The following CSMD1 variants were observed in gnomAD, a reference collection of about 807,000 sequenced individuals.
CSMD1 encodes CUB and sushi domain-containing protein 1.
In CSMD1, 213 loss-of-function variants were observed where a neutral mutation model predicts 417.5. The ratio of observed to expected loss-of-function variants is 0.51; its 90% CI spans 0.46 to 0.57. The LOEUF (loss-of-function observed/expected upper bound fraction) is 0.57, where lower values mean the gene tolerates loss of function less well. Ranked by LOEUF, CSMD1 falls within the 20% of genes least tolerant of loss-of-function variation. The pLI, the probability that CSMD1 is intolerant of heterozygous loss-of-function variation, is 0.00. For missense variants in CSMD1, 6,923 were observed against 4,529.7 expected (o/e 1.53, Z -15.17); for synonymous variants, 2,862 against 1,736.8 (o/e 1.65, Z -16.11).
intron 1 of CSMD1, among the ~76,000 whole-genome samples, chr8:4,890,664 G>A (rs528492777): frequency 2.6e-5 from 4 of 150,992 alleles, no homozygotes; most frequent in East Asian, 3.9e-4. Flanking sequence ...AGATGAGAGC[G>A]TGTGACTCCG....
intron 3 of CSMD1, among the ~76,000 whole-genome samples, chr8:4,164,542 T>G (rs1316425517): frequency 6.6e-6 from 1 of 152,156 alleles, no homozygotes; most frequent in Non-Finnish European, 1.5e-5. Context: ...ATATAAGCTG[T>G]TGTATAAGCC....
At chr8:4,096,451 T>C (rs994226370) in intron 3 of CSMD1, among the ~76,000 whole-genome samples, 6 of 152,096 alleles carry the variant, frequency 3.9e-5, no homozygotes, top group Non-Finnish European at 5.9e-5. Flanking sequence ...ATGATCCCCA[T>C]CTAAAATGTA....
intron 7 of CSMD1, among the ~76,000 whole-genome samples, chr8:3,687,883 T>C (rs1181095078): frequency 2.6e-5 from 4 of 152,238 alleles, no homozygotes; most frequent in South Asian, 2.1e-4. Context: ...TCCGTACTGA[T>C]GACCTGGGGA....
chr8:4,592,601 G>A (rs759991044), intron 2 of CSMD1, among the ~76,000 whole-genome samples: 4 of 151,978 alleles, frequency 2.6e-5, no homozygotes, highest in Non-Finnish European at 4.4e-5. Flanking sequence ...TGGCCAGGCT[G>A]GTCTCAAACT....
intron 26 of CSMD1, among the ~76,000 whole-genome samples, chr8:3,268,101 A>G (rs1240410990): frequency 2.0e-5 from 3 of 152,030 alleles, no homozygotes; most frequent in African/African-American, 7.2e-5. Flanking sequence ...TACTCAGGGC[A>G]CAATAGGAAG....
rs113642249 is a variant in CSMD1 at position 3,835,475 on chromosome 8, A to T, written c.819-81433T>A. Among the ~76,000 whole-genome samples the T allele has an allele frequency of 1.2e-3, 175 of 152,066 alleles. 1 individual carries two copies. The highest frequency in any genetic ancestry group is 4.0e-3 in the African/African-American group (167 of 41,452). Reference sequence around the variant, plus strand: ...CAGCAAACTACCGCCAGGACAAAAAACCAAACACCACATGTTCTCACTCAT... The same window carrying T: ...CAGCAAACTACCGCCAGGACAAAAATCCAAACACCACATGTTCTCACTCAT... On this transcript the variant is annotated intron_variant, in intron 5 of 69. Coordinates refer to ENST00000635120, the MANE Select transcript of CSMD1 (RefSeq NM_033225.6).
intron 50 of CSMD1, among the ~76,000 whole-genome samples, chr8:3,031,646 G>A (rs1810347828): frequency 6.6e-6 from 1 of 151,832 alleles, no homozygotes; most frequent in Non-Finnish European, 1.5e-5. Flanking sequence ...TGATCCTCAT[G>A]CTCAGCCTCC....
At chr8:3,815,782 T>C (rs908890837) in intron 5 of CSMD1, among the ~76,000 whole-genome samples, 2 of 152,146 alleles carry the variant, frequency 1.3e-5, no homozygotes, top group Non-Finnish European at 2.9e-5. Context: ...ATTTGATCTA[T>C]AGTAGTGAGC....
chr8:3,010,807 G>A (rs1200777353), intron 52 of CSMD1, among the ~76,000 whole-genome samples: 1 of 149,654 alleles, frequency 6.7e-6, no homozygotes, highest in Non-Finnish European at 1.5e-5. Flanking sequence ...GTAATGGCAT[G>A]ATCTCGGCTC....
intron 23 of CSMD1, among the ~76,000 whole-genome samples, chr8:3,310,970 A>G (rs1346644571): frequency 6.6e-6 from 1 of 152,240 alleles, no homozygotes; most frequent in Admixed American, 6.5e-5. Flanking sequence ...GGGGATGATG[A>G]AAGCCTGGAC....
At chr8:3,283,532 C>CAG (rs10675396) in intron 26 of CSMD1, among the ~76,000 whole-genome samples, 29,782 of 151,970 alleles carry the variant, frequency 0.2, 3,009 homozygotes, top group South Asian at 0.27. Flanking sequence ...TTGATACTGA[C>CAG]AGTGTTCAGA....
intron 46 of CSMD1, 146 bp from the exon 47 acceptor site, chr8:3,097,183 A>T: frequency 1.7e-6 from 1 of 589,018 alleles, no homozygotes; most frequent in Non-Finnish European, 2.9e-6. Flanking sequence ...GAATGCAAAC[A>T]CAGAGGGAGG....
intron 7 of CSMD1, among the ~76,000 whole-genome samples, chr8:3,700,203 T>C (rs530210237): frequency 4.7e-4 from 71 of 152,232 alleles, no homozygotes; most frequent in African/African-American, 1.7e-3. Context: ...AAATCACCAC[T>C]GAAGAGCTTA....
chr8:4,440,646 T>C (rs533551125), intron 2 of CSMD1, among the ~76,000 whole-genome samples: 3 of 152,234 alleles, frequency 2.0e-5, no homozygotes, highest in Non-Finnish European at 4.4e-5. Flanking sequence ...GAAAAATTGA[T>C]TGCATACATT....
chr8:3,560,790 T>C (rs1339044578), intron 10 of CSMD1, among the ~76,000 whole-genome samples: 1 of 152,220 alleles, frequency 6.6e-6, no homozygotes, highest in Non-Finnish European at 1.5e-5. Flanking sequence ...GATTTGACCC[T>C]ATCGAGCTAG....
chr8:4,157,300 G>A (rs750874872), intron 3 of CSMD1, among the ~76,000 whole-genome samples: 18 of 152,070 alleles, frequency 1.2e-4, no homozygotes, highest in South Asian at 4.2e-4. Flanking sequence ...TGCAGAGCTG[G>A]GTCACTGCAC....
intron 10 of CSMD1, among the ~76,000 whole-genome samples, chr8:3,514,525 A>C (rs554221866): frequency 4.6e-5 from 7 of 152,362 alleles, no homozygotes; most frequent in African/African-American, 1.4e-4. Flanking sequence ...CAATCACTTA[A>C]AAGTAATGTT....
Position 3,308,300 on chromosome 8 carries a change from T to G in CSMD1, c.3823+12A>C, listed in dbSNP as rs185326794. ...GGCTTTTGCACAATGGTATGACTGC[T>G]TCCACACTCACCTATGCACGAAGGT... is the stretch of plus-strand genomic sequence containing the variant. On this transcript the variant is annotated intron_variant, in intron 24 of 69. Transcript: ENST00000635120. 6.1e-5 allele frequency: 97 copies of G among 1,593,258 alleles called. No homozygotes were observed. In the African/African-American group the frequency reaches 8.3e-4, roughly 14 times the overall value.
Position 4,659,576 on chromosome 8 carries a change from C to T in CSMD1, c.86-22018G>A, listed in dbSNP as rs114081122. 5.3e-3 allele frequency among the ~76,000 whole-genome samples: 806 copies of T among 152,110 alleles called. 6 individuals are homozygous for T. Among genetic ancestry groups the T allele is most frequent in the African/African-American group, 0.018 (766 of 41,510 alleles). Reference sequence around the variant, plus strand: ...GTACAATTTCACACATATCAGATACCCAGAAGAGTTATATCCATAGACACA... The same window carrying T: ...GTACAATTTCACACATATCAGATACTCAGAAGAGTTATATCCATAGACACA... On this transcript the variant is annotated intron_variant, in intron 1 of 69. Transcript: ENST00000635120.
Sources: gnomAD v4.1 joint callset for allele counts (sites outside exome capture counted in the v4.1 genomes callset) on GRCh38, gnomAD v4.1.1 for gene constraint, MANE v1.5 for transcripts, NCBI Gene and HGNC (gene_info 2026-07-23, HGNC 2026-07-21) for gene names.